Variants in ALPK1 observed in about 807,000 individuals in gnomAD.
ALPK1 encodes the protein alpha-protein kinase 1.
A neutral mutation model predicts 120.6 loss-of-function variants in ALPK1; 110 were observed. That is an observed-to-expected ratio of 0.91 (90% CI 0.78 to 1.07). The LOEUF is 1.07. Ranked by LOEUF, ALPK1 falls within the 50% of genes least tolerant of loss-of-function variation. ALPK1 has a pLI of 0.00. For synonymous variants in ALPK1, 582 were observed against 560.3 expected (o/e 1.04, Z -0.55); for missense variants, 1,498 against 1,483.9 (o/e 1.01, Z -0.16).
chr4:112,386,014 A>C (rs993029738), intron 4 of ALPK1, among the ~76,000 whole-genome samples: 1 of 152,238 alleles, frequency 6.6e-6, no homozygotes, highest in African/African-American at 2.4e-5. Context: ...AACAGATCGA[A>C]GTTGAGAACA....
At chr4:112,405,203 G>A (rs1466645038) in intron 4 of ALPK1, among the ~76,000 whole-genome samples, 1 of 152,154 alleles carries the variant, frequency 6.6e-6, no homozygotes, top group African/African-American at 2.4e-5. Flanking sequence ...AAGAAGCTCT[G>A]TCTCATAACT....
At chr4:112,298,602 C>T (rs1727646177) in intron 1 of ALPK1, among the ~76,000 whole-genome samples, 1 of 152,154 alleles carries the variant, frequency 6.6e-6, no homozygotes, top group African/African-American at 2.4e-5. Flanking sequence ...TATAGCATCT[C>T]TATCTGCATG....
At chr4:112,325,656 G>A (rs991386575) in intron 2 of ALPK1, among the ~76,000 whole-genome samples, 10 of 152,066 alleles carry the variant, frequency 6.6e-5, no homozygotes, top group Non-Finnish European at 1.5e-4. Context: ...TCAACTTTTA[G>A]CCTCCCTGCC....
At chr4:112,410,579 T>C (rs1733409641) in intron 4 of ALPK1, among the ~76,000 whole-genome samples, 3 of 152,326 alleles carry the variant, frequency 2.0e-5, no homozygotes, top group Middle Eastern at 6.8e-3. Context: ...CTTTCTAGGC[T>C]TCATGCATGA....
chr4:112,366,526 A>G (rs927304542), intron 2 of ALPK1, among the ~76,000 whole-genome samples: 3 of 152,146 alleles, frequency 2.0e-5, no homozygotes, highest in East Asian at 3.8e-4. Flanking sequence ...GCAAGAATGG[A>G]CATAATCAAA....
chr4:112,380,552 A>G (rs1354834167), intron 3 of ALPK1, among the ~76,000 whole-genome samples: 2 of 152,206 alleles, frequency 1.3e-5, no homozygotes, highest in Non-Finnish European at 2.9e-5. Context: ...TGCCCAGTTC[A>G]TAAATGGTTC....
chr4:112,299,097 T>TA (rs1438309795), intron 1 of ALPK1, among the ~76,000 whole-genome samples: 4 of 152,146 alleles, frequency 2.6e-5, no homozygotes, highest in African/African-American at 9.6e-5. Context: ...TTGTATTTTG[T>TA]ATTGTATTTG....
chr4:112,433,541 T>TAAGG (rs1473102936), intron 11 of ALPK1, among the ~76,000 whole-genome samples: 1 of 152,160 alleles, frequency 6.6e-6, no homozygotes, highest in Non-Finnish European at 1.5e-5. Flanking sequence ...ACTTCTTGCT[T>TAAGG]AAGGAACAGC....
chr4:112,353,265 G>A (rs552082567), intron 2 of ALPK1, among the ~76,000 whole-genome samples: 12 of 152,110 alleles, frequency 7.9e-5, no homozygotes, highest in African/African-American at 2.4e-4. Flanking sequence ...TGTGATCACC[G>A]AACCTGGCCA....
At chr4:112,298,743 G>A (rs1727654417) in intron 1 of ALPK1, among the ~76,000 whole-genome samples, 1 of 152,176 alleles carries the variant, frequency 6.6e-6, no homozygotes, top group Non-Finnish European at 1.5e-5. Context: ...TTGCTGATGT[G>A]TTAAGCTGTA....
At chr4:112,328,997 G>A (rs548407799) in intron 2 of ALPK1, among the ~76,000 whole-genome samples, 2 of 152,340 alleles carry the variant, frequency 1.3e-5, no homozygotes, top group Admixed American at 1.3e-4. Flanking sequence ...TCACAAGGCT[G>A]TAATCATTTT....
At chr4:112,352,140 C>T (rs1409232475) in intron 2 of ALPK1, among the ~76,000 whole-genome samples, 1 of 152,206 alleles carries the variant, frequency 6.6e-6, no homozygotes, top group Non-Finnish European at 1.5e-5. Flanking sequence ...CCAATACTTC[C>T]AGGCTTGGGT....
intron 1 of ALPK1, among the ~76,000 whole-genome samples, chr4:112,314,899 T>A (rs900095146): frequency 7.1e-6 from 1 of 140,000 alleles, no homozygotes; most frequent in Non-Finnish European, 1.5e-5. Flanking sequence ...TTTTTTTTTT[T>A]TGAGACAGTC....
At chr4:112,373,926 A>G (rs1731532969) in intron 2 of ALPK1, among the ~76,000 whole-genome samples, 1 of 152,302 alleles carries the variant, frequency 6.6e-6, no homozygotes, top group South Asian at 2.1e-4. Flanking sequence ...GCAAGTCCTA[A>G]TCTTTCTGCT....
At chr4:112,309,238 A>G (rs1441675237) in intron 1 of ALPK1, among the ~76,000 whole-genome samples, 1 of 152,198 alleles carries the variant, frequency 6.6e-6, no homozygotes, top group Non-Finnish European at 1.5e-5. Flanking sequence ...TCAGATCTCA[A>G]ACTCCGTGCT....
chr4:112,300,902 C>T (rs879681339), intron 1 of ALPK1, among the ~76,000 whole-genome samples: 2 of 152,168 alleles, frequency 1.3e-5, no homozygotes, highest in African/African-American at 2.4e-5. Flanking sequence ...GTGTCATTGG[C>T]TCACCAGCAC....
chr4:112,339,088 G>A (rs1729749225), intron 2 of ALPK1, among the ~76,000 whole-genome samples: 1 of 152,162 alleles, frequency 6.6e-6, no homozygotes, highest in South Asian at 2.1e-4. Context: ...CCCACAATGA[G>A]AGACACAGGT....
At chr4:112,352,386 TA>T (rs1262541485) in intron 2 of ALPK1, among the ~76,000 whole-genome samples, 1 of 152,208 alleles carries the variant, frequency 6.6e-6, no homozygotes, top group Non-Finnish European at 1.5e-5. Context: ...CTTTTCTTTG[TA>T]ATTTTACTAT....
chr4:112,332,379 C>T (rs943586779), intron 2 of ALPK1, among the ~76,000 whole-genome samples: 1 of 152,234 alleles, frequency 6.6e-6, no homozygotes, highest in African/African-American at 2.4e-5. Context: ...TACTCCAGAT[C>T]TCTAGACCCC....
Sources: gnomAD v4.1 joint callset for allele counts (sites outside exome capture counted in the v4.1 genomes callset) on GRCh38, gnomAD v4.1.1 for gene constraint, MANE v1.5 for transcripts, NCBI Gene and HGNC (gene_info 2026-07-23, HGNC 2026-07-21) for gene names.